Variants in UBE2E2 observed in about 807,000 individuals in gnomAD.
The protein encoded by UBE2E2 is ubiquitin-conjugating enzyme E2 E2.
Under a neutral mutation model 24.7 loss-of-function variants are expected in UBE2E2, and 6 were observed. That is an observed-to-expected ratio of 0.24 (90% CI 0.13 to 0.48). The LOEUF (loss-of-function observed/expected upper bound fraction) is 0.48, where lower values mean the gene tolerates loss of function less well. UBE2E2 is among the 20% of genes least tolerant of loss of function. UBE2E2 has a pLI of 0.99. For synonymous variants in UBE2E2, 104 were observed against 83.6 expected, an observed-to-expected ratio of 1.24 and a Z score of -1.33; for missense variants, 169 against 245.0, an observed-to-expected ratio of 0.69 and a Z score of 2.07.
intron 3 of UBE2E2, among the ~76,000 whole-genome samples, chr3:23,440,858 T>A (rs757824958): frequency 6.6e-6 from 1 of 152,190 alleles, no homozygotes; most frequent in Non-Finnish European, 1.5e-5. Flanking sequence ...TTCCTGCTCT[T>A]CCTGTAACTG....
chr3:23,290,186 G>T (rs1698725221), intron 3 of UBE2E2, among the ~76,000 whole-genome samples: 1 of 152,242 alleles, frequency 6.6e-6, no homozygotes, highest in Non-Finnish European at 1.5e-5. Context: ...TAAGCAGTTA[G>T]ATTGGTAACT....
intron 3 of UBE2E2, among the ~76,000 whole-genome samples, chr3:23,327,309 A>T (rs961334118): frequency 2.2e-4 from 34 of 152,098 alleles, no homozygotes; most frequent in African/African-American, 8.0e-4. Context: ...AAGTGTTCCT[A>T]TTTCTCCACA....
At chr3:23,222,843 C>CTAT in intron 3 of UBE2E2, among the ~76,000 whole-genome samples, 1 of 152,090 alleles carries the variant, frequency 6.6e-6, no homozygotes, top group Middle Eastern at 3.4e-3. Flanking sequence ...CAACAGTGTA[C>CTAT]GAGCCTTCCC....
At chr3:23,349,384 G>A (rs1157827904) in intron 3 of UBE2E2, among the ~76,000 whole-genome samples, 1 of 152,334 alleles carries the variant, frequency 6.6e-6, no homozygotes, top group South Asian at 2.1e-4. Flanking sequence ...AGTGGGCACA[G>A]GACAGTGGGT....
At chr3:23,373,039 T>A (rs1200285945) in intron 3 of UBE2E2, among the ~76,000 whole-genome samples, 1 of 152,158 alleles carries the variant, frequency 6.6e-6, no homozygotes, top group Non-Finnish European at 1.5e-5. Flanking sequence ...GACCTTCCTA[T>A]TCAAAGCAGT....
At chr3:23,270,042 G>A (rs1027911069) in intron 3 of UBE2E2, among the ~76,000 whole-genome samples, 12 of 151,770 alleles carry the variant, frequency 7.9e-5, no homozygotes, top group African/African-American at 1.9e-4. Context: ...TGCAGGCCCC[G>A]AGTAGCTCAT....
At chr3:23,233,736 T>C (rs1697028997) in intron 3 of UBE2E2, among the ~76,000 whole-genome samples, 1 of 152,138 alleles carries the variant, frequency 6.6e-6, no homozygotes, top group Non-Finnish European at 1.5e-5. Context: ...CCTCCAATAT[T>C]TAAGTAGCAG....
chr3:23,294,856 A>G (rs186832617), intron 3 of UBE2E2, among the ~76,000 whole-genome samples: 1 of 123,600 alleles, frequency 8.1e-6, no homozygotes, highest in Non-Finnish European at 1.7e-5. Flanking sequence ...CAGATTTGTT[A>G]TGACCAAAAA....
chr3:23,527,442 C>T (rs1040198774), intron 4 of UBE2E2, among the ~76,000 whole-genome samples: 1 of 152,124 alleles, frequency 6.6e-6, no homozygotes, highest in Non-Finnish European at 1.5e-5. Flanking sequence ...GAAATATATA[C>T]TATTTGGTCC....
chr3:23,549,328 C>T (rs569535064), intron 5 of UBE2E2, among the ~76,000 whole-genome samples: 1 of 152,336 alleles, frequency 6.6e-6, no homozygotes, highest in African/African-American at 2.4e-5. Context: ...TTCTCTAAGT[C>T]ATAGTGACAT....
At chr3:23,551,039 GTATCA>G (rs1263629900) in intron 5 of UBE2E2, among the ~76,000 whole-genome samples, 3 of 152,046 alleles carry the variant, frequency 2.0e-5, no homozygotes, top group Non-Finnish European at 4.4e-5. Flanking sequence ...AGTTTTGAAA[GTATCA>G]TACTGTTCCT....
At chr3:23,298,134 A>T (rs201290711) in intron 3 of UBE2E2, among the ~76,000 whole-genome samples, 4,213 of 151,952 alleles carry the variant, frequency 0.028, 107 homozygotes, top group East Asian at 0.13. Flanking sequence ...TGTACATTGA[A>T]TTTGTATCCT....
intron 3 of UBE2E2, among the ~76,000 whole-genome samples, chr3:23,457,332 C>A (rs1307843559): frequency 6.6e-6 from 1 of 152,126 alleles, no homozygotes; most frequent in Non-Finnish European, 1.5e-5. Context: ...TTTGAAATAA[C>A]AAAAGCTCAA....
intron 4 of UBE2E2, among the ~76,000 whole-genome samples, chr3:23,531,833 A>G (rs1025081571): frequency 3.9e-5 from 6 of 152,100 alleles, no homozygotes; most frequent in Non-Finnish European, 5.9e-5. Context: ...AGGCCAAGGC[A>G]GGCGGATGAC....
intron 3 of UBE2E2, among the ~76,000 whole-genome samples, chr3:23,259,186 A>G (rs1381570290): frequency 2.6e-5 from 4 of 152,138 alleles, no homozygotes; most frequent in Non-Finnish European, 5.9e-5. Context: ...TCCCACATCC[A>G]GTGAGGCCCC....
chr3:23,431,799 T>C (rs949562605), intron 3 of UBE2E2, among the ~76,000 whole-genome samples: 2 of 152,228 alleles, frequency 1.3e-5, no homozygotes, highest in African/African-American at 4.8e-5. Flanking sequence ...AATGTAGTTA[T>C]GTGATACTTT....
chr3:23,247,575 A>C lies in UBE2E2; in HGVS notation c.227+30263A>C, dbSNP rs573161023. On this transcript the variant is annotated intron_variant, in intron 3 of 5. Transcript: ENST00000396703. Reference sequence around the variant, plus strand: ...CTCCATATTGGTCAGGCTGGTCTCAAACTCTCAACCTCAGGTGATCTGTCT... The same window carrying C: ...CTCCATATTGGTCAGGCTGGTCTCACACTCTCAACCTCAGGTGATCTGTCT... Among the ~76,000 whole-genome samples the C allele has an allele frequency of 2.7e-3, 417 of 152,264 alleles. 1 individual carries two copies. The highest frequency in any genetic ancestry group is 9.7e-3 in the African/African-American group (401 of 41,548).
At chr3:23,567,492 G>T (rs1696105938) in intron 5 of UBE2E2, among the ~76,000 whole-genome samples, 1 of 152,162 alleles carries the variant, frequency 6.6e-6, no homozygotes, top group Non-Finnish European at 1.5e-5. Flanking sequence ...GAAGGTCATG[G>T]GGAATCTGGA....
At chr3:23,368,806 A>G (rs1696326890) in intron 3 of UBE2E2, among the ~76,000 whole-genome samples, 1 of 152,196 alleles carries the variant, frequency 6.6e-6, no homozygotes. Context: ...AATATACTGT[A>G]ATGTTTTAAA....
Sources: allele counts gnomAD v4.1 joint callset (sites outside exome capture counted in the v4.1 genomes callset), GRCh38; gene constraint gnomAD v4.1.1; transcripts MANE v1.5; gene names NCBI Gene and HGNC (gene_info 2026-07-23, HGNC 2026-07-21).